The following ATP9B variants were observed in gnomAD, a reference collection of about 807,000 sequenced individuals.
ATP9B encodes the protein probable phospholipid-transporting ATPase IIB.
A neutral mutation model predicts 146.1 loss-of-function variants in ATP9B; 110 were observed. That is an observed-to-expected ratio of 0.75 (90% CI 0.65 to 0.88). The LOEUF is 0.88. ATP9B is among the 40% of genes least tolerant of loss of function. ATP9B has a pLI of 0.00. For synonymous variants in ATP9B, 604 were observed against 569.7 expected, an observed-to-expected ratio of 1.06 and a Z score of -0.86; for missense variants, 1,499 against 1,496.4, an observed-to-expected ratio of 1.00 and a Z score of -0.03.
chr18:79,177,005 T>A, intron 8 of ATP9B, 98 bp downstream of exon 8: 3 of 988,770 alleles, frequency 3.0e-6, no homozygotes, highest in Non-Finnish European at 4.4e-6. Flanking sequence ...ATTTAATGCA[T>A]TGAGAATTTG....
intron 26 of ATP9B, among the ~76,000 whole-genome samples, chr18:79,365,904 TGGAA>T (rs1300707909): frequency 6.6e-6 from 1 of 150,496 alleles, no homozygotes; most frequent in Non-Finnish European, 1.5e-5. Context: ...CTGTGTGTGA[TGGAA>T]GGACATCTCC....
chr18:79,158,709 A>G (rs924557651), intron 7 of ATP9B, among the ~76,000 whole-genome samples: 8 of 152,118 alleles, frequency 5.3e-5, no homozygotes, highest in African/African-American at 1.9e-4. Context: ...ACTTTATATG[A>G]TTTCTATCCT....
intron 26 of ATP9B, among the ~76,000 whole-genome samples, chr18:79,367,467 G>GGATTCC: frequency 7.0e-6 from 1 of 142,034 alleles, no homozygotes; most frequent in African/African-American, 2.8e-5. Flanking sequence ...CTCAACCAGA[G>GGATTCC]AGCACACATA....
intron 11 of ATP9B, among the ~76,000 whole-genome samples, chr18:79,218,958 C>G (rs368455021): frequency 5.9e-5 from 9 of 151,956 alleles, no homozygotes; most frequent in Admixed American, 3.9e-4. Context: ...ACACAGTGTA[C>G]GAAAAAGAGG....
At chr18:79,250,389 G>A (rs1418107053) in intron 11 of ATP9B, among the ~76,000 whole-genome samples, 1 of 152,172 alleles carries the variant, frequency 6.6e-6, no homozygotes, top group Non-Finnish European at 1.5e-5. Flanking sequence ...TGGATGAATA[G>A]AGTAAAATAT....
intron 18 of ATP9B, 84 bp from the exon 19 acceptor site, chr18:79,337,195 C>A: frequency 6.5e-7 from 1 of 1,550,206 alleles, no homozygotes. Context: ...CCCTCTGTCC[C>A]CACAGCCCAT....
At chr18:79,235,476 T>C (rs1360087660) in intron 11 of ATP9B, among the ~76,000 whole-genome samples, 2 of 152,238 alleles carry the variant, frequency 1.3e-5, no homozygotes, top group African/African-American at 4.8e-5. Flanking sequence ...ACGGTCAGTA[T>C]TTGAATTTTG....
chr18:79,073,494 G>A (rs12051957), intron 1 of ATP9B, among the ~76,000 whole-genome samples: 63,486 of 151,298 alleles, frequency 0.42, 14,893 homozygotes, highest in Middle Eastern at 0.63. Flanking sequence ...CAGGCGTGGC[G>A]GCGCGCGCCT....
chr18:79,076,945 T>G (rs1188119126), intron 1 of ATP9B, among the ~76,000 whole-genome samples: 1 of 152,194 alleles, frequency 6.6e-6, no homozygotes, highest in African/African-American at 2.4e-5. Flanking sequence ...TTAAGATTTT[T>G]AGTTTCAAAA....
intron 7 of ATP9B, among the ~76,000 whole-genome samples, chr18:79,174,707 A>G (rs1266975481): frequency 1.3e-5 from 2 of 152,122 alleles, no homozygotes; most frequent in African/African-American, 2.4e-5. Flanking sequence ...TATATCCTGT[A>G]TTTTTGTTAA....
chr18:79,074,617 G>T (rs2072380369), intron 1 of ATP9B, among the ~76,000 whole-genome samples: 1 of 152,224 alleles, frequency 6.6e-6, no homozygotes, highest in Non-Finnish European at 1.5e-5. Flanking sequence ...TACTGCTACT[G>T]CCCAGATGCC....
At chr18:79,346,302 C>CT (rs2147508513) in intron 23 of ATP9B, among the ~76,000 whole-genome samples, 1 of 150,516 alleles carries the variant, frequency 6.6e-6, no homozygotes, top group South Asian at 2.1e-4. Flanking sequence ...TCAGCACACA[C>CT]TTGGCACACT....
rs2096759431 is a variant in ATP9B, at chr18:79,327,590, A to AGCGTGCCCTCCGTGGTT, written c.1774-1551_1774-1550insGCGTGCCCTCCGTGGTT. ...CGTGGTTAGCGTGCTCTCCGTGGTTAACGTGCCCTCCGTGGTTAGCGTGCC... is the reference window on the plus strand; with the variant it reads ...CGTGGTTAGCGTGCTCTCCGTGGTTAGCGTGCCCTCCGTGGTTACGTGCCCTCCGTGGTTAGCGTGCC... On this transcript the variant is annotated intron_variant, in intron 15 of 29. Coordinates refer to ENST00000426216, the MANE Select transcript of ATP9B (RefSeq NM_198531.5). Among the ~76,000 whole-genome samples the AGCGTGCCCTCCGTGGTT allele has an allele frequency of 3.1e-5, 4 of 130,558 alleles. 1 individual carries two copies. Among genetic ancestry groups the AGCGTGCCCTCCGTGGTT allele is most frequent in the Non-Finnish European group, 4.8e-5 (3 of 63,048 alleles). 85.7% of individuals were successfully genotyped at this position (130,558 alleles called of 152,430 possible). A position where few individuals can be genotyped will look rare whatever the true frequency, so the allele number is the denominator to read the frequency against.
In ATP9B at chr18:79,239,733, A is replaced by G. The variant is rs1265599508; in HGVS notation, c.1108-13648A>G. 2.0e-5 allele frequency among the ~76,000 whole-genome samples: 3 copies of G among 152,188 alleles called. No individual in the cohort carries two copies. Among genetic ancestry groups the G allele is most frequent in the Non-Finnish European group, 2.9e-5 (2 of 68,040 alleles). ...AAATTTCTTTCATGTAAGTTACATG[A>G]TAGTCCTTTAGGAGTAATGTGTTTT... On this transcript the variant is annotated intron_variant, in intron 11 of 29. Transcript: ENST00000426216. The surrounding 1 kb of genome is among the most constrained non-coding windows in gnomAD (Gnocchi z 5.1).
At chr18:79,316,847 G>A (rs1263480361) in intron 15 of ATP9B, among the ~76,000 whole-genome samples, 2 of 152,168 alleles carry the variant, frequency 1.3e-5, no homozygotes, top group Non-Finnish European at 2.9e-5. Context: ...TTCTTTGAAA[G>A]GTTAAATGAA....
chr18:79,190,800 C>A (rs2095358780), intron 8 of ATP9B, among the ~76,000 whole-genome samples: 1 of 152,140 alleles, frequency 6.6e-6, no homozygotes, highest in African/African-American at 2.4e-5. Context: ...CCTGCCACGG[C>A]CTCCCAAAGT....
chr18:79,079,198 G>T (rs934307352), intron 1 of ATP9B, among the ~76,000 whole-genome samples: 3 of 152,192 alleles, frequency 2.0e-5, no homozygotes, highest in Non-Finnish European at 1.5e-5. Context: ...TGCTGGGTCA[G>T]AGGGTATTTC....
In ATP9B at chr18:79,340,863, G is replaced by T. The variant is rs2096854425; in HGVS notation, c.2284-1405G>T. Among the ~76,000 whole-genome samples, 3 of 152,212 alleles carry T rather than the reference G, an allele frequency of 2.0e-5. No individual in the cohort carries two copies. In the South Asian group the frequency reaches 6.2e-4, roughly 31 times the overall value. The stretch of plus-strand genomic sequence containing the variant: ...ACCTCCGTTTCCAACTAAAAAACTA[G>T]CAAACTGCAGTGAAGGTCTTCATGA... On this transcript the variant is annotated intron_variant, in intron 19 of 29. Coordinates refer to ENST00000426216, the MANE Select transcript of ATP9B (RefSeq NM_198531.5).
rs187729451 is a variant in ATP9B, at chr18:79,359,201, G to A, written c.2904-153G>A. The stretch of plus-strand genomic sequence containing the variant: ...GCTCTGAGATAAATACTCAGTCTCC[G>A]CAATCATCTTACTTGGTTGCCAACT... On this transcript the variant is annotated intron_variant, in intron 25 of 29. Coordinates refer to ENST00000426216, the MANE Select transcript of ATP9B (RefSeq NM_198531.5). Among the ~76,000 whole-genome samples, 19 of 152,228 alleles carry A rather than the reference G, an allele frequency of 1.2e-4. No individual in the cohort carries two copies. In the East Asian group the frequency reaches 2.1e-3, roughly 17 times the overall value.
Sources: allele counts gnomAD v4.1 joint callset (sites outside exome capture counted in the v4.1 genomes callset), GRCh38; gene constraint gnomAD v4.1.1; non-coding constraint Gnocchi (gnomAD v3.1); transcripts MANE v1.5; gene names NCBI Gene and HGNC (gene_info 2026-07-23, HGNC 2026-07-21).